RAB27B: variants seen among roughly 807,000 people sequenced by gnomAD.
The protein encoded by RAB27B is ras-related protein Rab-27B.
RAB27B carries 15 observed loss-of-function variants against 24.6 expected under a neutral mutation model. That is an observed-to-expected ratio of 0.61 (90% CI 0.41 to 0.94). The LOEUF is 0.94. RAB27B is among the 40% of genes least tolerant of loss of function. RAB27B has a pLI of 0.00. For missense variants in RAB27B, 261 were observed against 266.8 expected (o/e 0.98, Z 0.15); for synonymous variants, 105 against 92.5 (o/e 1.14, Z -0.78).
chr18:54,745,861 A>AT (rs1910226904), intron 2 of RAB27B, among the ~76,000 whole-genome samples: 1 of 147,730 alleles, frequency 6.8e-6, no homozygotes, highest in Admixed American at 6.8e-5. Flanking sequence ...TATAATATTT[A>AT]ATAAAATAAA....
Position 54,812,790 on chromosome 18 carries a change from G to A in RAB27B, c.-19-64777G>A, listed in dbSNP as rs546851311. Among the ~76,000 whole-genome samples, 9 of 152,092 alleles carry A rather than the reference G, an allele frequency of 5.9e-5. No individual in the cohort carries two copies. In the South Asian group the frequency reaches 1.9e-3, roughly 32 times the overall value. On this transcript the variant is annotated intron_variant, in intron 2 of 4. Coordinates refer to the RAB27B transcript ENST00000586570. ...AGAATAATTTAAATCGTAGTGTGAG[G>A]AAAACAAAATATATACAAGCACACA...
chr18:54,781,289 C>T (rs991330602), intron 2 of RAB27B, among the ~76,000 whole-genome samples: 2 of 151,892 alleles, frequency 1.3e-5, no homozygotes, highest in African/African-American at 2.4e-5. Context: ...TTCTTAGTGT[C>T]GGTTTTCTCT....
chr18:54,765,087 A>AAC (rs1555653942), intron 2 of RAB27B, among the ~76,000 whole-genome samples: 260 of 152,262 alleles, frequency 1.7e-3, no homozygotes, highest in African/African-American at 3.2e-3. Context: ...AACAAAAAAA[A>AAC]ACAAAAAAAC....
intron 1 of RAB27B, among the ~76,000 whole-genome samples, chr18:54,847,094 G>A (rs866845846): frequency 1.3e-5 from 2 of 151,982 alleles, no homozygotes; most frequent in Non-Finnish European, 2.9e-5. Context: ...CAAGTGATCC[G>A]CCCACCTCAG....
intron 2 of RAB27B, among the ~76,000 whole-genome samples, chr18:54,773,756 AC>A (rs1342967866): frequency 2.6e-5 from 4 of 151,576 alleles, no homozygotes; most frequent in Non-Finnish European, 4.4e-5. Context: ...GCTCACTGCA[AC>A]CTCTGCCTTC....
At chr18:54,850,423 G>A (rs1349614094) in intron 1 of RAB27B, among the ~76,000 whole-genome samples, 4 of 147,522 alleles carry the variant, frequency 2.7e-5, no homozygotes, top group South Asian at 2.2e-4. Flanking sequence ...CCAGCCTGGA[G>A]TGCAATGGTG....
chr18:54,780,809 C>T (rs1908891428), intron 2 of RAB27B, among the ~76,000 whole-genome samples: 2 of 152,182 alleles, frequency 1.3e-5, no homozygotes, highest in Admixed American at 1.3e-4. Context: ...TCAACAAATT[C>T]TCCAGGTGAT....
Position 54,889,533 on chromosome 18 carries a change from C to A in RAB27B, c.*120C>A. Reference sequence around the variant, plus strand: ...CAATGGCATGTCTTTCTTTTTCTGCCAGAAAATCTATTTTAAGAAACCAGA... The same window carrying A: ...CAATGGCATGTCTTTCTTTTTCTGCAAGAAAATCTATTTTAAGAAACCAGA... On this transcript the variant is annotated 3_prime_UTR_variant, in exon 6 of 6. Coordinates refer to ENST00000262094, the MANE Select transcript of RAB27B (RefSeq NM_004163.4). The A allele has an allele frequency of 3.2e-6, 3 of 941,698 alleles. No individual in the cohort carries two copies. Among genetic ancestry groups the A allele is most frequent in the Non-Finnish European group, 3.0e-6 (2 of 657,328 alleles). The allele number at this position is 941,698 out of a possible 1,614,324, so 58.3% of individuals were successfully genotyped here.
chr18:54,866,274 TCCCCG>T (rs1912218890), intron 1 of RAB27B, among the ~76,000 whole-genome samples: 15 of 147,792 alleles, frequency 1.0e-4, no homozygotes, highest in Admixed American at 1.0e-3. Flanking sequence ...CCTCCCCGCC[TCCCCG>T]CCTCCCCGCC....
At chr18:54,882,628 G>A (rs1912971981) in intron 3 of RAB27B, among the ~76,000 whole-genome samples, 1 of 152,164 alleles carries the variant, frequency 6.6e-6, no homozygotes. Flanking sequence ...GAAGGGGTAG[G>A]AAGAAAAGGA....
intron 2 of RAB27B, among the ~76,000 whole-genome samples, chr18:54,720,413 A>T (rs960947700): frequency 1.3e-5 from 2 of 152,118 alleles, no homozygotes; most frequent in Non-Finnish European, 2.9e-5. Flanking sequence ...AGTAAATCTC[A>T]TTCCACCGAT....
intron 1 of RAB27B, among the ~76,000 whole-genome samples, chr18:54,835,953 G>A (rs1224298610): frequency 6.6e-6 from 1 of 151,890 alleles, no homozygotes; most frequent in African/African-American, 2.4e-5. Context: ...GCTTAATTTG[G>A]GTGCCCTCAG....
rs541545905 is a variant in RAB27B at position 54,743,142 on chromosome 18, A to G, written c.-20+25001A>G. Reference sequence around the variant, plus strand: ...GATTTTGTATCTGGTCCTTAATTCCACACTACTCTGCAGCATCTCATTCAG... The same window carrying G: ...GATTTTGTATCTGGTCCTTAATTCCGCACTACTCTGCAGCATCTCATTCAG... On this transcript the variant is annotated intron_variant, in intron 2 of 4. Transcript: ENST00000586570. Among the ~76,000 whole-genome samples the G allele has an allele frequency of 1.0e-3, 158 of 152,264 alleles. 4 individuals are homozygous for G. The South Asian group carries it at 0.028, about 27-fold the overall frequency.
intron 2 of RAB27B, among the ~76,000 whole-genome samples, chr18:54,778,325 A>G (rs370342678): frequency 5.3e-5 from 8 of 152,066 alleles, no homozygotes; most frequent in African/African-American, 1.2e-4. Context: ...CTTCAGCATA[A>G]GAATCTGACT....
chr18:54,792,864 T>G (rs1375476179), intron 2 of RAB27B, among the ~76,000 whole-genome samples: 1 of 152,226 alleles, frequency 6.6e-6, no homozygotes, highest in Non-Finnish European at 1.5e-5. Flanking sequence ...TGCAAAATTG[T>G]CACCAGTGTC....
At chr18:54,763,486 T>C (rs963854707) in intron 2 of RAB27B, among the ~76,000 whole-genome samples, 1 of 152,016 alleles carries the variant, frequency 6.6e-6, no homozygotes, top group Non-Finnish European at 1.5e-5. Context: ...GTTGCATGAT[T>C]TTGGTAGGTG....
In RAB27B at chr18:54,879,381, C is replaced by T. The variant is rs1323494794; in HGVS notation, c.166C>T (p.Gln56Ter). The T allele has an allele frequency of 2.5e-6, 4 of 1,612,056 alleles. No homozygotes were observed. Among genetic ancestry groups the T allele is most frequent in the South Asian group, 1.1e-5 (1 of 91,020 alleles). The stretch of plus-strand genomic sequence containing the variant: ...TTGTATCTTTCAGGTTTATAATGCA[C>T]AAGGACCGAATGGATCTTCAGGGAA... ...FREKRVVYNA[Q>*]GPNGSSGKAF... Residue 56 changes from glutamine (Q) to a stop codon, truncating the protein, a stop_gained, in exon 3 of 6, where the codon CAA (glutamine) becomes TAA (stop). Coordinates refer to ENST00000262094, the MANE Select transcript of RAB27B (RefSeq NM_004163.4). LOFTEE classifies it high-confidence loss of function.
chr18:54,841,883 A>G (rs541385255), intron 1 of RAB27B, among the ~76,000 whole-genome samples: 2 of 152,328 alleles, frequency 1.3e-5, no homozygotes, highest in African/African-American at 4.8e-5. Context: ...CCTCCAGCCT[A>G]CAAAAATAGA....
At chr18:54,800,928 TG>T (rs754366948) in intron 2 of RAB27B, among the ~76,000 whole-genome samples, 1 of 151,990 alleles carries the variant, frequency 6.6e-6, no homozygotes, top group Non-Finnish European at 1.5e-5. Context: ...CATCAATCCA[TG>T]GGCCAGATCC....
Sources: allele counts gnomAD v4.1 joint callset (sites outside exome capture counted in the v4.1 genomes callset), GRCh38; gene constraint gnomAD v4.1.1; transcripts MANE v1.5; gene names NCBI Gene and HGNC (gene_info 2026-07-23, HGNC 2026-07-21).